The following KIRREL1 variants were observed in gnomAD, a reference collection of about 807,000 sequenced individuals.
KIRREL1 encodes the protein kirre like nephrin family adhesion molecule 1.
A neutral mutation model predicts 83.3 loss-of-function variants in KIRREL1; 25 were observed. The ratio of observed to expected loss-of-function variants is 0.30; its 90% confidence interval spans 0.22 to 0.42. The LOEUF (loss-of-function observed/expected upper bound fraction) is 0.42. Among genes scored for constraint, KIRREL1 ranks in the 10% least tolerant of loss-of-function variants. The pLI, the probability that KIRREL1 is intolerant of heterozygous loss-of-function variation, is 1.00. For synonymous variants in KIRREL1, 388 were observed against 410.4 expected (o/e 0.95, Z 0.66); for missense variants, 812 against 1,032.3 (o/e 0.79, Z 2.92).
At chr1:158,020,000 G>A (rs1557991182) in intron 1 of KIRREL1, among the ~76,000 whole-genome samples, 1 of 152,094 alleles carries the variant, frequency 6.6e-6, no homozygotes, top group Non-Finnish European at 1.5e-5. Context: ...AATTTTTTTA[G>A]TTCTTCAGAA....
intron 1 of KIRREL1, among the ~76,000 whole-genome samples, chr1:158,017,161 C>T (rs986288544): frequency 2.0e-5 from 3 of 152,162 alleles, no homozygotes; most frequent in South Asian, 2.1e-4. Context: ...CATCATTGCA[C>T]GCACGGCCCA....
chr1:158,004,644 T>C (rs1239852240), intron 1 of KIRREL1, among the ~76,000 whole-genome samples: 1 of 152,150 alleles, frequency 6.6e-6, no homozygotes, highest in Non-Finnish European at 1.5e-5. Flanking sequence ...TTAACCATCA[T>C]TTTAAACCCT....
chr1:158,083,858 G>T (rs917883597), intron 3 of KIRREL1, among the ~76,000 whole-genome samples: 2 of 152,192 alleles, frequency 1.3e-5, no homozygotes, highest in African/African-American at 4.8e-5. Context: ...AGGCACAGTG[G>T]TTCACGCCTG....
intron 1 of KIRREL1, among the ~76,000 whole-genome samples, chr1:158,073,314 CT>C (rs1661572166): frequency 6.6e-6 from 1 of 152,218 alleles, no homozygotes; most frequent in Admixed American, 6.5e-5. Flanking sequence ...AACTTCAAAA[CT>C]GCCAGAAAGT....
At chr1:158,042,969 T>TCCCAGC in intron 1 of KIRREL1, among the ~76,000 whole-genome samples, 1 of 149,360 alleles carries the variant, frequency 6.7e-6, no homozygotes, top group African/African-American at 2.5e-5. Context: ...GCACCTGTAG[T>TCCCAGC]CCCAGCTACT....
chr1:158,097,663 C>T lies in KIRREL1; in HGVS notation c.*2543C>T, dbSNP rs1285266764. The T allele has an allele frequency of 6.5e-6, 1 of 153,088 alleles. No homozygotes were observed. The highest frequency in any genetic ancestry group is 1.5e-5 in the Non-Finnish European group (1 of 68,766). 9.5% of individuals were successfully genotyped at this position (153,088 alleles called of 1,614,324 possible). A position where few individuals can be genotyped will look rare whatever the true frequency, so the allele number is the denominator to read the frequency against. ...GGTGCATCAGAATCTGAATTGGAAC[C>T]TACCTGATGGGCCCAGTGGAATAGC... On this transcript the variant is annotated 3_prime_UTR_variant, in exon 15 of 15. Transcript: ENST00000359209.
chr1:158,006,329 C>G (rs559593797), intron 1 of KIRREL1, among the ~76,000 whole-genome samples: 1 of 152,302 alleles, frequency 6.6e-6, no homozygotes, highest in Non-Finnish European at 1.5e-5. Flanking sequence ...TTCTTTGTGT[C>G]TAGCCTGAAC....
intron 1 of KIRREL1, among the ~76,000 whole-genome samples, chr1:158,047,701 A>G (rs1392960205): frequency 6.6e-6 from 1 of 152,068 alleles, no homozygotes; most frequent in African/African-American, 2.4e-5. Flanking sequence ...AGCCTTGCCT[A>G]AGGTCACTTC....
chr1:158,053,532 T>C (rs2101594976), intron 1 of KIRREL1, among the ~76,000 whole-genome samples: 1 of 152,350 alleles, frequency 6.6e-6, no homozygotes, highest in East Asian at 1.9e-4. Flanking sequence ...TCTGCTCATG[T>C]CCTTTCTGTT....
At position 158,098,200 on chromosome 1, in the gene KIRREL1, G is replaced by A. The variant is rs1239317542; in HGVS notation, c.*3080G>A. On this transcript the variant is annotated 3_prime_UTR_variant, in exon 15 of 15. Coordinates refer to ENST00000359209, the MANE Select transcript of KIRREL1 (RefSeq NM_018240.7). ...CCCTAAACCTCAGAGTAAAATTGAT[G>A]TGGGGCTATCCTTTGGCTATCGGGT... The A allele has an allele frequency of 1.3e-5, 2 of 152,216 alleles. No homozygotes were observed. The allele number at this position is 152,216 out of a possible 1,614,324, so 9.4% of individuals were successfully genotyped here.
intron 1 of KIRREL1, among the ~76,000 whole-genome samples, chr1:157,996,693 T>C (rs1361809639): frequency 6.6e-6 from 1 of 152,176 alleles, no homozygotes; most frequent in African/African-American, 2.4e-5. Context: ...ATATACACAC[T>C]TTAGATGTCC....
chr1:158,020,032 C>G (rs7540841), intron 1 of KIRREL1, among the ~76,000 whole-genome samples: 147,087 of 152,250 alleles, frequency 0.97, 71,252 homozygotes, highest in East Asian at 1. Flanking sequence ...AAGGAAGTTG[C>G]TTTAGGAGCA....
intron 1 of KIRREL1, among the ~76,000 whole-genome samples, chr1:158,045,878 T>C (rs757959070): frequency 6.6e-6 from 1 of 152,196 alleles, no homozygotes; most frequent in Non-Finnish European, 1.5e-5. Context: ...AAGACATTCT[T>C]ATCACTTGGG....
chr1:158,048,740 C>T (rs1660839964), intron 1 of KIRREL1, among the ~76,000 whole-genome samples: 1 of 152,186 alleles, frequency 6.6e-6, no homozygotes. Flanking sequence ...GCACCTGTTA[C>T]AGTAAATACA....
intron 1 of KIRREL1, among the ~76,000 whole-genome samples, chr1:158,074,948 C>T (rs56046063): frequency 0.45 from 68,568 of 151,912 alleles, 16,106 homozygotes; most frequent in East Asian, 0.72. Context: ...AGGAGGAGGC[C>T]GTGACTTTTG....
intron 1 of KIRREL1, among the ~76,000 whole-genome samples, chr1:158,011,236 A>T (rs1200215772): frequency 6.6e-6 from 1 of 152,128 alleles, no homozygotes; most frequent in Admixed American, 6.5e-5. Context: ...CTGACCTTTC[A>T]GTTTTCCAAC....
intron 1 of KIRREL1, among the ~76,000 whole-genome samples, chr1:158,024,229 G>A (rs941419801): frequency 1.3e-5 from 2 of 150,530 alleles, no homozygotes; most frequent in African/African-American, 2.5e-5. Context: ...GATTACAGGC[G>A]TGAGCCACTG....
At chr1:158,049,985 A>G (rs909262470) in intron 1 of KIRREL1, among the ~76,000 whole-genome samples, 1 of 152,166 alleles carries the variant, frequency 6.6e-6, no homozygotes, top group Non-Finnish European at 1.5e-5. Context: ...CTGGTCTTCA[A>G]GTGATGGTGA....
chr1:158,064,993 G>C (rs896124703), intron 1 of KIRREL1, among the ~76,000 whole-genome samples: 1 of 150,816 alleles, frequency 6.6e-6, no homozygotes, highest in African/African-American at 2.4e-5. Flanking sequence ...TGGGGGGTGG[G>C]AGGTGAGGAG....
Sources: gnomAD v4.1 joint callset for allele counts (sites outside exome capture counted in the v4.1 genomes callset) on GRCh38, gnomAD v4.1.1 for gene constraint, MANE v1.5 for transcripts, NCBI Gene and HGNC (gene_info 2026-07-23, HGNC 2026-07-21) for gene names.